LOC400499: variants seen among roughly 807,000 people sequenced by gnomAD.
chr16:11,496,103 G>C, the LOC400499 span, among the ~76,000 whole-genome samples: 1 of 145,374 alleles, frequency 6.9e-6, no homozygotes, highest in Non-Finnish European at 1.5e-5. Flanking sequence ...TCTTGCTCTT[G>C]TCACCCAGGC....
chr16:11,495,128 G>T, the LOC400499 span, among the ~76,000 whole-genome samples: 2 of 151,818 alleles, frequency 1.3e-5, no homozygotes, highest in Middle Eastern at 3.4e-3. Flanking sequence ...AGAATCCCTT[G>T]AACCCGGGAA....
the LOC400499 span, chr16:11,493,662 C>A: frequency 2.5e-6 from 1 of 397,344 alleles, no homozygotes; most frequent in Non-Finnish European, 4.4e-6. Flanking sequence ...AGCAGGGGAC[C>A]CTTCGGAAGG....
the LOC400499 span, among the ~76,000 whole-genome samples, chr16:11,419,197 A>C: frequency 0.14 from 20,871 of 148,900 alleles, 1,716 homozygotes; most frequent in African/African-American, 0.26. Flanking sequence ...AACAAAAAAA[A>C]TATACTACAA....
At chr16:11,414,729 G>A in the LOC400499 span, among the ~76,000 whole-genome samples, 1 of 152,224 alleles carries the variant, frequency 6.6e-6, no homozygotes, top group Non-Finnish European at 1.5e-5. Flanking sequence ...CCAGGCCTGG[G>A]TGGCTCCTTC....
chr16:11,462,448 G>C, the LOC400499 span: 3 of 1,284,456 alleles, frequency 2.3e-6, no homozygotes, highest in Non-Finnish European at 3.0e-6. Context: ...CTTTTTCCTT[G>C]AGACAGAGTC....
chr16:11,397,780 A>AT, the LOC400499 span, among the ~76,000 whole-genome samples: 1,024 of 8,912 alleles, frequency 0.11, 33 homozygotes, highest in African/African-American at 0.19. Context: ...GGATGGAGGG[A>AT]GGGAGGGAGG....
chr16:11,428,466 G>A, the LOC400499 span, among the ~76,000 whole-genome samples: 1 of 152,082 alleles, frequency 6.6e-6, no homozygotes, highest in Non-Finnish European at 1.5e-5. Context: ...GAGCCACCGC[G>A]GCCGGCCCAT....
At chr16:11,386,482 G>T in the LOC400499 span, among the ~76,000 whole-genome samples, 5 of 152,262 alleles carry the variant, frequency 3.3e-5, no homozygotes, top group Non-Finnish European at 7.3e-5. Context: ...CTTCTAGGGA[G>T]CCCTGGGCCT....
chr16:11,450,399 T>C, the LOC400499 span, among the ~76,000 whole-genome samples: 2 of 152,258 alleles, frequency 1.3e-5, no homozygotes, highest in Non-Finnish European at 2.9e-5. Flanking sequence ...AGCAGGGATG[T>C]GGGAAATCTA....
At chr16:11,457,090 G>A in the LOC400499 span, 1 of 1,465,622 alleles carries the variant, frequency 6.8e-7, no homozygotes, top group Non-Finnish European at 9.0e-7. Flanking sequence ...GCCACCCCTG[G>A]CGTAGAATGT....
chr16:11,454,468 G>T, the LOC400499 span, among the ~76,000 whole-genome samples: 1 of 152,164 alleles, frequency 6.6e-6, no homozygotes, highest in East Asian at 1.9e-4. Context: ...TATTAGAAAA[G>T]AAAAATCTGG....
chr16:11,509,883 C>A, the LOC400499 span, among the ~76,000 whole-genome samples: 4 of 151,762 alleles, frequency 2.6e-5, no homozygotes, highest in African/African-American at 9.7e-5. Context: ...GACACAGTTG[C>A]CTATGTATCT....
the LOC400499 span, among the ~76,000 whole-genome samples, chr16:11,505,219 G>A: frequency 1.3e-5 from 2 of 151,464 alleles, no homozygotes; most frequent in African/African-American, 2.4e-5. Context: ...CACCATGGTC[G>A]ATTTCAAGCT....
chr16:11,450,754 C>G, the LOC400499 span: 1 of 1,536,134 alleles, frequency 6.5e-7, no homozygotes, highest in Non-Finnish European at 8.7e-7. Flanking sequence ...GAACACAGCT[C>G]GGTGTGGCCA....
At chr16:11,384,809 G>A in the LOC400499 span, 11 of 1,196,016 alleles carry the variant, frequency 9.2e-6, no homozygotes, top group Middle Eastern at 3.2e-4. Flanking sequence ...GTAGCCCCCT[G>A]CCGCCCTGGA....
chr16:11,468,879 G>A, the LOC400499 span, among the ~76,000 whole-genome samples: 2 of 152,126 alleles, frequency 1.3e-5, no homozygotes, highest in Non-Finnish European at 2.9e-5. Context: ...TGCCCGCTTC[G>A]ACCTCCCAAA....
chr16:11,503,078 C>T, the LOC400499 span, among the ~76,000 whole-genome samples: 50 of 151,886 alleles, frequency 3.3e-4, 1 homozygote, highest in African/African-American at 1.1e-3. Context: ...TGCATCACCA[C>T]GCTCAGCTAA....
chr16:11,449,169 AC>A, the LOC400499 span: 1 of 1,303,770 alleles, frequency 7.7e-7, no homozygotes, highest in Middle Eastern at 2.0e-4. Flanking sequence ...CACCTGGGAT[AC>A]CCTTTCATCT....
At chr16:11,525,970 C>T in the LOC400499 span, among the ~76,000 whole-genome samples, 1 of 152,152 alleles carries the variant, frequency 6.6e-6, no homozygotes, top group African/African-American at 2.4e-5. Context: ...AAATGAGTGT[C>T]ATCTCTAGCC....
Sources: allele counts gnomAD v4.1 joint callset (sites outside exome capture counted in the v4.1 genomes callset), GRCh38; gene constraint gnomAD v4.1.1; transcripts MANE v1.5.